ZHX3: variants seen among roughly 807,000 people sequenced by gnomAD.
The protein encoded by ZHX3 is zinc fingers and homeoboxes protein 3.
ZHX3 carries 20 observed loss-of-function variants against 64.5 expected under a neutral mutation model. The observed-to-expected ratio is 0.31, with a 90% CI of 0.22 to 0.45. The LOEUF is 0.45. Among genes scored for constraint, ZHX3 ranks in the 20% least tolerant of loss-of-function variants. The pLI is 1.00. For synonymous variants in ZHX3, 423 were observed against 461.6 expected, an observed-to-expected ratio of 0.92 and a Z score of 1.07; for missense variants, 1,041 against 1,195.8, an observed-to-expected ratio of 0.87 and a Z score of 1.91.
chr20:41,236,028 CAA>C (rs1460512634), intron 2 of ZHX3, among the ~76,000 whole-genome samples: 1 of 152,136 alleles, frequency 6.6e-6, no homozygotes, highest in Non-Finnish European at 1.5e-5. Context: ...ACAATTGCTT[CAA>C]AGAGAATAAA....
At position 41,185,126 on chromosome 20, in the gene ZHX3, T is replaced by A. The variant is rs771473212; in HGVS notation, c.*65A>T. 3.1e-6 allele frequency: 5 copies of A among 1,589,432 alleles called. No homozygotes were observed. The South Asian group carries it at 5.7e-5, about 18-fold the overall frequency. ...GGCATGTGGCAGCAGAGAGTCGGGT[T>A]TGGCTCTTCCACGTGGCAGGCGGTT... On this transcript the variant is annotated 3_prime_UTR_variant, in exon 4 of 4. Coordinates refer to ENST00000683867, the MANE Select transcript of ZHX3 (RefSeq NM_001384317.1). This position sits in a 1 kb window ranked among gnomAD's most constrained non-coding sequence, Gnocchi z 5.0.
At chr20:41,199,701 TC>T (rs1230859908) in intron 3 of ZHX3, among the ~76,000 whole-genome samples, 2 of 149,680 alleles carry the variant, frequency 1.3e-5, no homozygotes, top group South Asian at 2.1e-4. Flanking sequence ...ATCAAAAAAC[TC>T]TTTTTTTTTT....
intron 2 of ZHX3, among the ~76,000 whole-genome samples, chr20:41,233,151 G>A (rs1600440713): frequency 6.6e-6 from 1 of 152,280 alleles, no homozygotes; most frequent in Admixed American, 6.5e-5. Flanking sequence ...CAACTAGCTG[G>A]CACATGACCA....
At chr20:41,257,917 T>C (rs1000634633) in intron 2 of ZHX3, among the ~76,000 whole-genome samples, 4 of 144,774 alleles carry the variant, frequency 2.8e-5, no homozygotes, top group African/African-American at 1.1e-4. Context: ...AACCCTTTTT[T>C]TTTTTGAGAC....
chr20:41,302,053 CAAAAAAAAAAAAAAAAAA>C (rs555883542), intron 1 of ZHX3, among the ~76,000 whole-genome samples: 1 of 62,382 alleles, frequency 1.6e-5, no homozygotes, highest in Admixed American at 2.0e-4. Flanking sequence ...GACTCCATCT[CAAAAAAAAAAAAAAAAAA>C]AAAAAAAAAA....
chr20:41,233,138 A>C (rs1453638586), intron 2 of ZHX3, among the ~76,000 whole-genome samples: 1 of 152,242 alleles, frequency 6.6e-6, no homozygotes, highest in Non-Finnish European at 1.5e-5. Flanking sequence ...TCAGACTCTG[A>C]TACAACTAGC....
At chr20:41,222,112 T>C (rs1174369430) in intron 2 of ZHX3, among the ~76,000 whole-genome samples, 1 of 152,134 alleles carries the variant, frequency 6.6e-6, no homozygotes, top group Non-Finnish European at 1.5e-5. Flanking sequence ...GTAGGGAAAC[T>C]TGTCAGACAT....
rs2036220717 is a variant in ZHX3 at position 41,180,731 on chromosome 20, C to T, written c.*4460G>A. On this transcript the variant is annotated 3_prime_UTR_variant, in exon 4 of 4. Coordinates refer to ENST00000683867, the MANE Select transcript of ZHX3 (RefSeq NM_001384317.1). ...CTGGTGTGACCTGGCACTGGGAACACACAGATTGCAGCAGAAACCTGTTGG... is the reference window on the plus strand; with the variant it reads ...CTGGTGTGACCTGGCACTGGGAACATACAGATTGCAGCAGAAACCTGTTGG... 1 of 152,250 alleles carries T rather than the reference C, an allele frequency of 6.6e-6. No homozygotes were observed. Among genetic ancestry groups the T allele is most frequent in the Non-Finnish European group, 1.5e-5 (1 of 68,076 alleles). The allele number at this position is 152,250 out of a possible 1,614,324, so 9.4% of individuals were successfully genotyped here.
intron 3 of ZHX3, among the ~76,000 whole-genome samples, chr20:41,190,816 A>G (rs148758643): frequency 3.3e-5 from 5 of 152,278 alleles, no homozygotes; most frequent in African/African-American, 1.2e-4. Flanking sequence ...TAGACATAGT[A>G]TCCTTGGCTT....
chr20:41,238,156 A>T (rs2041137104), intron 2 of ZHX3, among the ~76,000 whole-genome samples: 1 of 152,204 alleles, frequency 6.6e-6, no homozygotes, highest in African/African-American at 2.4e-5. Flanking sequence ...AATTTGTTGC[A>T]TGGGGAATGA....
At chr20:41,246,848 G>C (rs920441988) in intron 2 of ZHX3, among the ~76,000 whole-genome samples, 1 of 150,886 alleles carries the variant, frequency 6.6e-6, no homozygotes, top group African/African-American at 2.4e-5. Context: ...ACTACAGCCT[G>C]AGGGACAGAG....
chr20:41,302,457 T>C (rs1300615683), intron 1 of ZHX3, among the ~76,000 whole-genome samples: 5 of 152,326 alleles, frequency 3.3e-5, no homozygotes, highest in Admixed American at 1.3e-4. Context: ...CCTAGGCCCC[T>C]TGGCCCTTCC....
In ZHX3 at chr20:41,204,395, A is replaced by G. The variant is rs2038527520; in HGVS notation, c.522T>C (p.Asp174=). Residue 174 remains aspartate (D), a synonymous_variant, in exon 3 of 4, where the codon GAT becomes GAC. Transcript: ENST00000683867. This position sits in a 1 kb window ranked among gnomAD's most constrained non-coding sequence, Gnocchi z 6.6. The part of the protein sequence containing the change: ...LAGEPSAEGA[D]GQAEIIITKT... ...TGGTAATGATGATTTCTGCCTGTCC[A>G]TCAGCCCCTTCAGCACTGGGCTCAC... The G allele has an allele frequency of 6.2e-7, 1 of 1,614,030 alleles. No individual in the cohort carries two copies. Among genetic ancestry groups the G allele is most frequent in the Admixed American group, 1.7e-5 (1 of 59,996 alleles).
At chr20:41,306,624 T>C (rs1431438468) in intron 1 of ZHX3, among the ~76,000 whole-genome samples, 1 of 152,252 alleles carries the variant, frequency 6.6e-6, no homozygotes, top group Non-Finnish European at 1.5e-5. Flanking sequence ...TTTGGTGAAT[T>C]ACTGAAATCA....
chr20:41,270,491 C>T (rs1305672893), intron 1 of ZHX3, among the ~76,000 whole-genome samples: 1 of 151,638 alleles, frequency 6.6e-6, no homozygotes, highest in Non-Finnish European at 1.5e-5. Flanking sequence ...CTGGCTAACA[C>T]GGTGAAACCC....
At chr20:41,252,490 T>A (rs919466425) in intron 2 of ZHX3, among the ~76,000 whole-genome samples, 1 of 152,156 alleles carries the variant, frequency 6.6e-6, no homozygotes, top group Admixed American at 6.5e-5. Flanking sequence ...CCAGGTGTCA[T>A]CCCGCGATGC....
chr20:41,251,206 G>T lies in ZHX3; in HGVS notation c.-151+17784C>A, dbSNP rs573547313. ...TCCTCCTGTAGTCCCAGCTATTTGG[G>T]AGGCTAAAGCAGGAATATTGCTTGA... On this transcript the variant is annotated intron_variant, in intron 2 of 3. Coordinates refer to ENST00000683867, the MANE Select transcript of ZHX3 (RefSeq NM_001384317.1). Among the ~76,000 whole-genome samples, 8 of 152,206 alleles carry T rather than the reference G, an allele frequency of 5.3e-5. No homozygotes were observed. In the East Asian group the frequency reaches 1.5e-3, roughly 29 times the overall value.
intron 2 of ZHX3, among the ~76,000 whole-genome samples, chr20:41,230,836 T>G (rs2040559672): frequency 6.6e-6 from 1 of 151,692 alleles, no homozygotes; most frequent in African/African-American, 2.4e-5. Context: ...GAATGGTACA[T>G]TTGTTACAAC....
chr20:41,272,695 C>G (rs367679657), intron 1 of ZHX3, among the ~76,000 whole-genome samples: 3 of 152,200 alleles, frequency 2.0e-5, no homozygotes, highest in African/African-American at 7.2e-5. Flanking sequence ...TACATTGCAG[C>G]ATGCATCAGT....
Sources: allele counts gnomAD v4.1 joint callset (sites outside exome capture counted in the v4.1 genomes callset), GRCh38; gene constraint gnomAD v4.1.1; non-coding constraint Gnocchi (gnomAD v3.1); transcripts MANE v1.5; gene names NCBI Gene and HGNC (gene_info 2026-07-23, HGNC 2026-07-21).